The following GPC3 variants were observed in gnomAD, a reference collection of about 807,000 sequenced individuals.
GPC3 encodes glypican 3, also known as glypican-3.
GPC3 carries 3 observed loss-of-function variants against 34.4 expected under a neutral mutation model. The ratio of observed to expected loss-of-function variants is 0.09; its 90% CI spans 0.04 to 0.23. The LOEUF is 0.23. Ranked by LOEUF, GPC3 falls within the 10% of genes least tolerant of loss-of-function variation. The pLI is 1.00. For missense variants in GPC3, 351 were observed against 445.6 expected, an observed-to-expected ratio of 0.79 and a Z score of 1.91; for synonymous variants, 177 against 174.0, an observed-to-expected ratio of 1.02 and a Z score of -0.13.
chrX:133,730,776 T>C (rs1457349756), intron 3 of GPC3, among the ~76,000 whole-genome samples: 1 of 111,171 alleles, frequency 9.0e-6, no homozygotes, highest in African/African-American at 3.3e-5. Flanking sequence ...AAATAAGCCT[T>C]AGAAGCATAC....
At chrX:133,948,003 A>T (rs1602553811) in intron 2 of GPC3, among the ~76,000 whole-genome samples, 1 of 110,858 alleles carries the variant, frequency 9.0e-6, no homozygotes, top group Admixed American at 9.7e-5. Context: ...TGGGGATGCA[A>T]TGGGGCTCAG....
intron 2 of GPC3, among the ~76,000 whole-genome samples, chrX:133,895,782 G>T (rs1230077780): frequency 1.8e-5 from 2 of 110,957 alleles, no homozygotes; most frequent in Non-Finnish European, 3.8e-5. Flanking sequence ...TCAAAAGCAT[G>T]AATAAAAGCA....
intron 3 of GPC3, among the ~76,000 whole-genome samples, chrX:133,704,707 G>A (rs2071199667): frequency 9.0e-6 from 1 of 110,665 alleles, no homozygotes; most frequent in Non-Finnish European, 1.9e-5. Context: ...AAGAGGGTCA[G>A]TTAGGTTTTA....
intron 2 of GPC3, among the ~76,000 whole-genome samples, chrX:133,901,732 C>T (rs1569452504): frequency 8.9e-6 from 1 of 112,119 alleles, no homozygotes; most frequent in African/African-American, 3.2e-5. Context: ...AGCCACTGCG[C>T]CTGGCAATCT....
intron 6 of GPC3, among the ~76,000 whole-genome samples, chrX:133,618,700 C>T (rs1168679799): frequency 4.8e-5 from 2 of 41,464 alleles, no homozygotes; most frequent in African/African-American, 1.6e-4. Context: ...GACACTGTAT[C>T]AAAAAAAAAA....
chrX:133,962,680 C>G (rs1006900196), intron 1 of GPC3, among the ~76,000 whole-genome samples: 3 of 111,781 alleles, frequency 2.7e-5, no homozygotes, highest in African/African-American at 9.8e-5. Flanking sequence ...CCCCTAGTCA[C>G]TTCTTCACTA....
intron 1 of GPC3, among the ~76,000 whole-genome samples, chrX:133,960,041 C>T (rs2076435186): frequency 9.0e-6 from 1 of 111,187 alleles, no homozygotes; most frequent in Admixed American, 9.6e-5. Flanking sequence ...TCACCAGAGG[C>T]TCTAGGAGTC....
intron 2 of GPC3, among the ~76,000 whole-genome samples, chrX:133,781,845 G>T (rs1489979226): frequency 1.8e-5 from 2 of 111,917 alleles, no homozygotes; most frequent in Non-Finnish European, 3.8e-5. Flanking sequence ...ACCTGAAAGA[G>T]AATTGGGCAT....
intron 2 of GPC3, among the ~76,000 whole-genome samples, chrX:133,788,091 TATATATATA>T (rs1569432780): frequency 7.9e-4 from 14 of 17,617 alleles, no homozygotes; most frequent in Admixed American, 2.1e-3. Flanking sequence ...TATTATTTTA[TATATATATA>T]TATATATATA....
chrX:133,862,464 C>T (rs1413898125), intron 2 of GPC3, among the ~76,000 whole-genome samples: 4 of 104,371 alleles, frequency 3.8e-5, no homozygotes, highest in Admixed American at 1.1e-4. Flanking sequence ...GCAGATCACA[C>T]GGTCAGGAGT....
intron 1 of GPC3, among the ~76,000 whole-genome samples, chrX:133,959,305 C>G (rs1394807100): frequency 2.7e-5 from 3 of 112,346 alleles, no homozygotes; most frequent in African/African-American, 9.7e-5. Flanking sequence ...TTCAGCTTCT[C>G]TTTGCTATGA....
At chrX:133,567,704 T>C (rs1355093017) in intron 7 of GPC3, among the ~76,000 whole-genome samples, 1 of 111,778 alleles carries the variant, frequency 8.9e-6, no homozygotes, top group Non-Finnish European at 1.9e-5. Flanking sequence ...GAAAGTCAAC[T>C]TGGAATTCAA....
At chrX:133,761,304 A>G (rs1181822450) in intron 2 of GPC3, among the ~76,000 whole-genome samples, 2 of 112,620 alleles carry the variant, frequency 1.8e-5, no homozygotes, top group African/African-American at 6.4e-5. Flanking sequence ...TAAATAATAG[A>G]GAAGACACTA....
chrX:133,586,726 A>T (rs1023735962), intron 7 of GPC3, among the ~76,000 whole-genome samples: 1 of 112,088 alleles, frequency 8.9e-6, no homozygotes, highest in Non-Finnish European at 1.9e-5. Flanking sequence ...ACTTCAAACC[A>T]CCCTGGGCTA....
At chrX:133,985,029 G>A (rs1414635555) in intron 1 of GPC3, among the ~76,000 whole-genome samples, 1 of 111,781 alleles carries the variant, frequency 8.9e-6, no homozygotes, top group Non-Finnish European at 1.9e-5. Flanking sequence ...CGATCCCCAC[G>A]GTTCCTCCCG....
chrX:133,544,879 C>T (rs1306099905), intron 7 of GPC3, among the ~76,000 whole-genome samples: 1 of 111,157 alleles, frequency 9.0e-6, no homozygotes, highest in African/African-American at 3.3e-5. Flanking sequence ...TTCCCAGGAA[C>T]AGAACAACCC....
intron 2 of GPC3, among the ~76,000 whole-genome samples, chrX:133,897,460 G>A (rs2062886284): frequency 9.2e-6 from 1 of 108,261 alleles, no homozygotes; most frequent in Non-Finnish European, 1.9e-5. Flanking sequence ...GTTTAATCAA[G>A]TTGAAATTTC....
chrX:133,914,809 T>A (rs1402854348), intron 2 of GPC3, among the ~76,000 whole-genome samples: 11 of 105,602 alleles, frequency 1.0e-4, no homozygotes, highest in Non-Finnish European at 1.9e-4. Context: ...GCAAAAGATA[T>A]ATATCACTAT....
intron 2 of GPC3, among the ~76,000 whole-genome samples, chrX:133,803,944 GA>G (rs371797464): frequency 2.8e-3 from 286 of 102,787 alleles, no homozygotes; most frequent in African/African-American, 9.7e-3. Flanking sequence ...TGGAAAATAT[GA>G]AAAAAATGAC....
Sources: allele counts gnomAD v4.1 joint callset (sites outside exome capture counted in the v4.1 genomes callset), GRCh38; gene constraint gnomAD v4.1.1; transcripts MANE v1.5; gene names NCBI Gene and HGNC (gene_info 2026-07-23, HGNC 2026-07-21).